Variants in LEPR observed in about 807,000 individuals in gnomAD.
The protein encoded by LEPR is leptin receptor.
A neutral mutation model predicts 114.7 loss-of-function variants in LEPR; 56 were observed. The ratio of observed to expected loss-of-function variants is 0.49; its 90% CI spans 0.39 to 0.61. LEPR has a LOEUF of 0.61. LEPR is among the 20% of genes least tolerant of loss of function. The pLI is 0.00. For missense variants in LEPR, 1,202 were observed against 1,352.9 expected, an observed-to-expected ratio of 0.89 and a Z score of 1.75; for synonymous variants, 443 against 461.4, an observed-to-expected ratio of 0.96 and a Z score of 0.51.
chr1:65,468,071 A>T (rs906273155), intron 2 of LEPR, among the ~76,000 whole-genome samples: 1 of 152,140 alleles, frequency 6.6e-6, no homozygotes, highest in Non-Finnish European at 1.5e-5. Context: ...TCCCAATGAG[A>T]TGAACCAGGT....
chr1:65,423,850 A>G (rs1297594202), intron 1 of LEPR, among the ~76,000 whole-genome samples: 1 of 152,220 alleles, frequency 6.6e-6, no homozygotes, highest in Admixed American at 6.5e-5. Context: ...ATAGTCTCCT[A>G]TGCTTTTGAT....
intron 1 of LEPR, chr1:65,421,238 C>G (rs2101663696): frequency 1.5e-6 from 2 of 1,365,830 alleles, no homozygotes; most frequent in Non-Finnish European, 1.9e-6. Context: ...GGAAAGCACC[C>G]AGAAAGACGG....
At chr1:65,471,398 A>G (rs1395313060) in intron 2 of LEPR, among the ~76,000 whole-genome samples, 1 of 152,226 alleles carries the variant, frequency 6.6e-6, no homozygotes, top group Non-Finnish European at 1.5e-5. Context: ...TATTGGTTAA[A>G]TACACCCACA....
intron 2 of LEPR, among the ~76,000 whole-genome samples, chr1:65,439,212 G>A (rs1397593757): frequency 1.3e-5 from 2 of 152,142 alleles, no homozygotes; most frequent in Non-Finnish European, 2.9e-5. Flanking sequence ...ATGATTTATA[G>A]ATTGAAAGCA....
chr1:65,494,158 A>T (rs1354975539), intron 2 of LEPR: 2 of 152,176 alleles, frequency 1.3e-5, no homozygotes, highest in African/African-American at 4.8e-5. Flanking sequence ...TATTTTTTCA[A>T]CTAAGATGGC....
At chr1:65,446,826 G>A (rs1646719976) in intron 2 of LEPR, among the ~76,000 whole-genome samples, 1 of 151,812 alleles carries the variant, frequency 6.6e-6, no homozygotes. Flanking sequence ...TTAAATTTTT[G>A]ATAAAATCTA....
chr1:65,553,383 G>C (rs895309845), intron 2 of LEPR, among the ~76,000 whole-genome samples: 3 of 151,902 alleles, frequency 2.0e-5, no homozygotes, highest in African/African-American at 7.3e-5. Context: ...TTTTCACATA[G>C]TCCCATATTT....
chr1:65,487,394 G>C (rs1270581052), intron 2 of LEPR, among the ~76,000 whole-genome samples: 2 of 152,088 alleles, frequency 1.3e-5, no homozygotes, highest in East Asian at 3.9e-4. Flanking sequence ...TTTGCCTACT[G>C]TCTGTTTCCC....
chr1:65,427,527 C>A (rs1021379182), intron 2 of LEPR, among the ~76,000 whole-genome samples: 5 of 152,024 alleles, frequency 3.3e-5, no homozygotes, highest in Non-Finnish European at 5.9e-5. Context: ...CCACTGCAGT[C>A]CAGCCTGGGC....
intron 2 of LEPR, among the ~76,000 whole-genome samples, chr1:65,446,225 C>T (rs542218960): frequency 6.6e-6 from 1 of 152,300 alleles, no homozygotes; most frequent in African/African-American, 2.4e-5. Flanking sequence ...TTCCAACCAA[C>T]AATGTATGAG....
chr1:65,517,104 C>T (rs1439084035), intron 2 of LEPR, among the ~76,000 whole-genome samples: 1 of 152,146 alleles, frequency 6.6e-6, no homozygotes. Flanking sequence ...CAGTTTGTTC[C>T]AGACTTCTTT....
Position 65,425,307 on chromosome 1 carries a change from C to T in LEPR, c.-92C>T, listed in dbSNP as rs13306523. 7,020 of 1,612,392 alleles carry T rather than the reference C, an allele frequency of 4.4e-3. 206 individuals are homozygous for T. In the East Asian group the frequency reaches 0.058, roughly 13 times the overall value. On this transcript the variant is annotated 5_prime_UTR_variant, in exon 2 of 20. Coordinates refer to ENST00000349533, the MANE Select transcript of LEPR (RefSeq NM_002303.6). ...TTTTGGCTTTATTTTTCACAGCTCT[C>T]GTGGCATTATCCTTCAGTGGGGCTA...
In LEPR at chr1:65,616,230, A is replaced by G. The variant is rs1453308545; in HGVS notation, c.2212+6A>G. On this transcript the variant is annotated splice_donor_region_variant and intron_variant, in intron 15 of 19. Coordinates refer to ENST00000349533, the MANE Select transcript of LEPR (RefSeq NM_002303.6). ...TTCATGGCCTATGAGCAAAGGTAAG[A>G]AGAGGTACAGAGTGGTAATCCATTG... 6.2e-7 allele frequency: 1 copy of G among 1,613,550 alleles called. No homozygotes were observed. The highest frequency in any genetic ancestry group is 1.1e-5 in the South Asian group (1 of 91,036).
chr1:65,525,649 G>C, intron 2 of LEPR: 1 of 985,220 alleles, frequency 1.0e-6, no homozygotes, highest in Non-Finnish European at 1.2e-6. Context: ...ACCTCCCCAC[G>C]CACTCGGCTG....
At chr1:65,579,809 G>T (rs1654857393) in intron 5 of LEPR, among the ~76,000 whole-genome samples, 1 of 152,088 alleles carries the variant, frequency 6.6e-6, no homozygotes, top group Non-Finnish European at 1.5e-5. Flanking sequence ...AAGTATATGT[G>T]TAATATATAG....
At chr1:65,524,928 GC>G (rs1649823741) in intron 2 of LEPR, among the ~76,000 whole-genome samples, 1 of 152,136 alleles carries the variant, frequency 6.6e-6, no homozygotes, top group South Asian at 2.1e-4. Context: ...TGAGTGGAGG[GC>G]CGGAAAATGT....
chr1:65,545,435 T>G (rs562318313), intron 2 of LEPR, among the ~76,000 whole-genome samples: 1 of 151,254 alleles, frequency 6.6e-6, no homozygotes, highest in Admixed American at 6.6e-5. Flanking sequence ...AGTGTAAAAG[T>G]GTTCCTATTT....
At chr1:65,421,406 G>T in intron 1 of LEPR, 1 of 1,536,094 alleles carries the variant, frequency 6.5e-7, no homozygotes, top group South Asian at 1.2e-5. Flanking sequence ...TATCTGTATG[G>T]CTTCAGAGCA....
intron 2 of LEPR, among the ~76,000 whole-genome samples, chr1:65,547,461 A>T (rs1428658346): frequency 3.3e-5 from 5 of 151,606 alleles, no homozygotes; most frequent in African/African-American, 1.2e-4. Flanking sequence ...TTGGTAAGCT[A>T]TTGATTATTG....
Sources: allele counts gnomAD v4.1 joint callset (sites outside exome capture counted in the v4.1 genomes callset), GRCh38; gene constraint gnomAD v4.1.1; transcripts MANE v1.5; gene names NCBI Gene and HGNC (gene_info 2026-07-23, HGNC 2026-07-21).